CRB1: variants seen among roughly 807,000 people sequenced by gnomAD.
CRB1 encodes crumbs cell polarity complex component 1.
Under a neutral mutation model 120.0 loss-of-function variants are expected in CRB1, and 83 were observed. The observed-to-expected ratio is 0.69, with a 90% confidence interval of 0.58 to 0.83. The LOEUF (loss-of-function observed/expected upper bound fraction) is 0.83. Among genes scored for constraint, CRB1 ranks in the 40% least tolerant of loss-of-function variants. CRB1 has a pLI of 0.00. For missense variants in CRB1, 1,699 were observed against 1,687.6 expected, an observed-to-expected ratio of 1.01 and a Z score of -0.12; for synonymous variants, 625 against 612.5, an observed-to-expected ratio of 1.02 and a Z score of -0.30.
chr1:197,337,029 T>C (rs920463300), intron 2 of CRB1, among the ~76,000 whole-genome samples: 7 of 152,182 alleles, frequency 4.6e-5, no homozygotes, highest in African/African-American at 1.7e-4. Context: ...TGCTATGATC[T>C]GAAAAGTTTG....
At chr1:197,316,910 C>CA (rs201313713) in intron 1 of CRB1, among the ~76,000 whole-genome samples, 88,944 of 135,752 alleles carry the variant, frequency 0.66, 27,734 homozygotes, top group East Asian at 0.82. Context: ...ACAATGGCTA[C>CA]AAAAAAAAAA....
chr1:197,468,120 C>A (rs1251194778), intron 11 of CRB1, among the ~76,000 whole-genome samples: 6 of 152,114 alleles, frequency 3.9e-5, no homozygotes, highest in Non-Finnish European at 2.9e-5. Context: ...CTCCTTAAAG[C>A]AATTGGATCA....
At chr1:197,236,393 G>A in the CRB1 span, among the ~76,000 whole-genome samples, 1 of 152,018 alleles carries the variant, frequency 6.6e-6, no homozygotes, top group Non-Finnish European at 1.5e-5. Context: ...TACAGATGCG[G>A]TTTCGCCATG....
In CRB1 at chr1:197,328,834, C is replaced by G. The variant is rs370907719; in HGVS notation, c.483C>G (p.Ala161=). ...CTTCCAGCCCTTGCCAAAATGGGGC[C>G]GTGTGCCAGGATGGAATTGATGGTT... ...ECASSPCQNG[A]VCQDGIDGYS... is the part of the protein sequence containing the mutation. Residue 161 remains alanine, a synonymous_variant, in exon 2 of 12, where the codon GCC becomes GCG. Transcript: ENST00000367400. 1.9e-5 allele frequency: 31 copies of G among 1,613,944 alleles called. No individual in the cohort carries two copies. In the South Asian group the frequency reaches 3.4e-4, roughly 18 times the overall value.
At chr1:197,253,653 A>T in the CRB1 span, among the ~76,000 whole-genome samples, 1 of 152,174 alleles carries the variant, frequency 6.6e-6, no homozygotes, top group Non-Finnish European at 1.5e-5. Flanking sequence ...TTTAAAAAAT[A>T]CAGATTATTT....
chr1:197,312,165 T>C (rs930257059), intron 1 of CRB1, among the ~76,000 whole-genome samples: 1 of 152,172 alleles, frequency 6.6e-6, no homozygotes, highest in Non-Finnish European at 1.5e-5. Context: ...AAATAAACCT[T>C]AGCAAGGAAA....
intron 1 of CRB1, among the ~76,000 whole-genome samples, chr1:197,297,433 A>G (rs1571790382): frequency 6.6e-6 from 1 of 152,066 alleles, no homozygotes; most frequent in African/African-American, 2.4e-5. Context: ...GGCTTGATCA[A>G]TTGTATGGCC....
chr1:197,462,506 G>A (rs966944168), intron 11 of CRB1, among the ~76,000 whole-genome samples: 1 of 152,044 alleles, frequency 6.6e-6, no homozygotes, highest in African/African-American at 2.4e-5. Flanking sequence ...CATGTGAAAG[G>A]ACTCCCTCAG....
At chr1:197,407,725 A>G (rs1048624065) in intron 5 of CRB1, among the ~76,000 whole-genome samples, 1 of 152,172 alleles carries the variant, frequency 6.6e-6, no homozygotes, top group Non-Finnish European at 1.5e-5. Flanking sequence ...ACTCCCACTA[A>G]GGGACTCTTA....
At chr1:197,235,043 TG>T in the CRB1 span, among the ~76,000 whole-genome samples, 1 of 152,084 alleles carries the variant, frequency 6.6e-6, no homozygotes, top group Non-Finnish European at 1.5e-5. Flanking sequence ...CTTACAAGAG[TG>T]GGGCATCATC....
In CRB1 at chr1:197,284,488, C is replaced by G. The variant is rs187124770; in HGVS notation, c.70+16006C>G. ...GATTAGCCCTATTTCTTCAGGGCAG[C>G]TCCATTTCATTAGTTCCCAATTACT... On this transcript the variant is annotated intron_variant, in intron 1 of 11. Transcript: ENST00000367400. Among the ~76,000 whole-genome samples the G allele has an allele frequency of 1.8e-3, 281 of 152,010 alleles. 1 individual carries two copies. Among genetic ancestry groups the G allele is most frequent in the African/African-American group, 6.6e-3 (272 of 41,514 alleles).
chr1:197,242,476 C>A, the CRB1 span, among the ~76,000 whole-genome samples: 2 of 152,070 alleles, frequency 1.3e-5, no homozygotes, highest in African/African-American at 4.8e-5. Context: ...TGATGGATTA[C>A]GTTTATTGAT....
At chr1:197,304,434 A>G in intron 1 of CRB1, 1 of 962,436 alleles carries the variant, frequency 1.0e-6, no homozygotes, top group Middle Eastern at 5.3e-4. Context: ...GTCCTGGTTC[A>G]GGTGTATTCT....
chr1:197,383,300 C>A (rs202046778), intron 5 of CRB1, among the ~76,000 whole-genome samples: 2 of 152,050 alleles, frequency 1.3e-5, no homozygotes, highest in East Asian at 1.9e-4. Context: ...ACTAACAATT[C>A]TTTACTCGAG....
the CRB1 span, among the ~76,000 whole-genome samples, chr1:197,209,513 T>A: frequency 6.6e-6 from 1 of 151,928 alleles, no homozygotes; most frequent in Non-Finnish European, 1.5e-5. Context: ...GCCTGGCTAA[T>A]TTTTTTGTAT....
the CRB1 span, chr1:197,222,752 GCT>G: frequency 1.0e-6 from 1 of 985,710 alleles, no homozygotes; most frequent in Non-Finnish European, 1.6e-6. Flanking sequence ...GAGTTGACTT[GCT>G]CTTTCTTTCT....
intron 10 of CRB1, 116 bp downstream of exon 10, chr1:197,438,791 T>A: frequency 7.5e-7 from 1 of 1,324,552 alleles, no homozygotes; most frequent in Non-Finnish European, 1.1e-6. Flanking sequence ...AAATCTATGC[T>A]GAAATAGAGG....
At chr1:197,239,766 T>G in the CRB1 span, among the ~76,000 whole-genome samples, 1 of 151,144 alleles carries the variant, frequency 6.6e-6, no homozygotes, top group African/African-American at 2.4e-5. Flanking sequence ...CCCTATTTTT[T>G]TCTGAATTCT....
intron 5 of CRB1, among the ~76,000 whole-genome samples, chr1:197,393,625 G>T (rs1406925554): frequency 1.3e-5 from 2 of 151,972 alleles, no homozygotes. Flanking sequence ...TGATTTGAAT[G>T]ACCAAACTCT....
Sources: allele counts gnomAD v4.1 joint callset (sites outside exome capture counted in the v4.1 genomes callset), GRCh38; gene constraint gnomAD v4.1.1; transcripts MANE v1.5; gene names NCBI Gene and HGNC (gene_info 2026-07-23, HGNC 2026-07-21).